Variants in DNAH8 observed in about 807,000 individuals in gnomAD.
The protein encoded by DNAH8 is axonemal beta dynein heavy chain 8.
In DNAH8, 382 loss-of-function variants were observed where a neutral mutation model predicts 562.1. The observed-to-expected ratio is 0.68, with a 90% CI of 0.63 to 0.74. DNAH8 has a LOEUF of 0.74. DNAH8 is among the 30% of genes least tolerant of loss of function. The pLI, the probability that DNAH8 is intolerant of heterozygous loss-of-function variation, is 0.00. For missense variants in DNAH8, 5,203 were observed against 5,620.4 expected, an observed-to-expected ratio of 0.93 and a Z score of 2.37; for synonymous variants, 1,881 against 1,919.4, an observed-to-expected ratio of 0.98 and a Z score of 0.52.
In DNAH8 at chr6:38,883,186, T is replaced by G. The variant is rs546284271; in HGVS notation, c.8001+134T>G. 9 of 1,321,136 alleles carry G rather than the reference T, an allele frequency of 6.8e-6. No individual in the cohort carries two copies. The East Asian group carries it at 2.2e-4, about 32-fold the overall frequency. The allele number at this position is 1,321,136 out of a possible 1,614,324, so 81.8% of individuals were successfully genotyped here. A position where few individuals can be genotyped will look rare whatever the true frequency, so the allele number is the denominator to read the frequency against. Reference sequence around the variant, plus strand: ...TCTGTAATACAACTGGGACTTATTTTGATGGTAGATGCAATTCTAAAAAGT... The same window carrying G: ...TCTGTAATACAACTGGGACTTATTTGGATGGTAGATGCAATTCTAAAAAGT... On this transcript the variant is annotated intron_variant, in intron 54 of 92. Transcript: ENST00000327475.
chr6:38,759,342 C>G (rs529667624), intron 10 of DNAH8, among the ~76,000 whole-genome samples: 3 of 151,328 alleles, frequency 2.0e-5, no homozygotes, highest in African/African-American at 7.3e-5. Context: ...AACAAACAAA[C>G]CACCACCAAC....
At chr6:38,756,228 G>A (rs1381552499) in intron 10 of DNAH8, 149 bp downstream of exon 10, 2 of 648,706 alleles carry the variant, frequency 3.1e-6, no homozygotes, top group Non-Finnish European at 5.5e-6. Context: ...GCGTTGACTG[G>A]ACTCAGTTGT....
chr6:38,767,609 T>A (rs899498266), intron 11 of DNAH8, among the ~76,000 whole-genome samples: 1 of 152,224 alleles, frequency 6.6e-6, no homozygotes, highest in Non-Finnish European at 1.5e-5. Flanking sequence ...TCATCTACGT[T>A]CTAGCATGTA....
rs1307297830 is a variant in DNAH8 at position 38,821,160 on chromosome 6, G to A, written c.3524-1678G>A. Among the ~76,000 whole-genome samples the A allele has an allele frequency of 2.0e-5, 3 of 152,066 alleles. No individual in the cohort carries two copies. The South Asian group carries it at 6.2e-4, about 32-fold the overall frequency. ...ATAAATGAATTCAGTAAGACTGCAG[G>A]ATACAGGATTAATATACAGATATCA... is the stretch of plus-strand genomic sequence containing the variant. On this transcript the variant is annotated intron_variant, in intron 26 of 92. Transcript: ENST00000327475.
chr6:38,850,451 A>T, intron 38 of DNAH8, 37 bp downstream of exon 38: 1 of 1,581,450 alleles, frequency 6.3e-7, no homozygotes, highest in Non-Finnish European at 8.6e-7. Flanking sequence ...ATCATTTTGT[A>T]TGTGACAGTG....
intron 88 of DNAH8, among the ~76,000 whole-genome samples, chr6:39,008,488 C>G (rs944951642): frequency 6.6e-6 from 1 of 152,016 alleles, no homozygotes; most frequent in African/African-American, 2.4e-5. Flanking sequence ...GGAGGTGTGC[C>G]CGCTGTTCAG....
chr6:38,741,901 T>C lies in DNAH8; in HGVS notation c.1293+14T>C, dbSNP rs1227020243. The C allele has an allele frequency of 1.2e-6, 2 of 1,601,166 alleles. No individual in the cohort carries two copies. The highest frequency in any genetic ancestry group is 3.5e-5 in the Admixed American group (2 of 57,204). On this transcript the variant is annotated intron_variant, in intron 8 of 92. Coordinates refer to ENST00000327475, the MANE Select transcript of DNAH8 (RefSeq NM_001206927.2). ...AAACTGCTAAAGGTAAAAGGCTTTT[T>C]ATTTAAAGTTTGGTATACTTCAGAA...
intron 80 of DNAH8, among the ~76,000 whole-genome samples, chr6:38,948,665 CTAAA>C (rs1761630054): frequency 6.6e-6 from 1 of 152,176 alleles, no homozygotes; most frequent in South Asian, 2.1e-4. Context: ...CAAACACCGT[CTAAA>C]TAACCCAGCC....
At chr6:38,932,033 A>C in intron 76 of DNAH8, 40 bp downstream of exon 76, 1 of 1,388,832 alleles carries the variant, frequency 7.2e-7, no homozygotes, top group Admixed American at 2.6e-5. Context: ...TGCTTATAAT[A>C]CATGCTTAAA....
intron 47 of DNAH8, among the ~76,000 whole-genome samples, 175 bp from the exon 48 acceptor site, chr6:38,867,887 A>T (rs1261409649): frequency 6.6e-6 from 1 of 152,202 alleles, no homozygotes; most frequent in Non-Finnish European, 1.5e-5. Flanking sequence ...CCATGGAATG[A>T]TCATATTTCA....
intron 38 of DNAH8, among the ~76,000 whole-genome samples, chr6:38,851,221 C>T (rs1397320180): frequency 2.0e-5 from 3 of 152,124 alleles, no homozygotes; most frequent in Non-Finnish European, 4.4e-5. Context: ...TAGTTGTCCT[C>T]CCTTTCACTC....
intron 58 of DNAH8, 21 bp downstream of exon 58, chr6:38,890,782 A>G (rs111568644): frequency 7.1e-6 from 11 of 1,556,078 alleles, no homozygotes; most frequent in African/African-American, 5.4e-5. Context: ...GTTTGTCAAT[A>G]ATTTTTAAAA....
At chr6:38,768,261 A>G (rs1161803649) in intron 11 of DNAH8, among the ~76,000 whole-genome samples, 1 of 151,766 alleles carries the variant, frequency 6.6e-6, no homozygotes, top group East Asian at 1.9e-4. Flanking sequence ...TTATTTGTCT[A>G]TTTATTTATT....
chr6:38,957,288 AT>A (rs979079451), intron 82 of DNAH8, among the ~76,000 whole-genome samples: 1 of 148,986 alleles, frequency 6.7e-6, no homozygotes, highest in African/African-American at 2.4e-5. Flanking sequence ...ATATATAAAA[AT>A]TAATATATAT....
intron 1 of DNAH8, among the ~76,000 whole-genome samples, chr6:38,717,630 T>C (rs548975407): frequency 9.3e-4 from 111 of 119,310 alleles, no homozygotes; most frequent in Admixed American, 2.9e-3. Flanking sequence ...ACACATGATT[T>C]TTTTTTTTTT....
intron 38 of DNAH8, 45 bp from the exon 39 acceptor site, chr6:38,851,527 G>A: frequency 8.5e-7 from 1 of 1,171,368 alleles, no homozygotes; most frequent in Non-Finnish European, 1.2e-6. Flanking sequence ...AATAATTTAG[G>A]GGAAAAAAAA....
intron 81 of DNAH8, among the ~76,000 whole-genome samples, chr6:38,951,089 T>C (rs991876410): frequency 6.6e-6 from 1 of 152,190 alleles, no homozygotes; most frequent in Non-Finnish European, 1.5e-5. Flanking sequence ...CACTGTGTTG[T>C]TATGGGCTCT....
chr6:38,956,300 T>C (rs2150650277), intron 82 of DNAH8, among the ~76,000 whole-genome samples: 2 of 152,240 alleles, frequency 1.3e-5, no homozygotes, highest in Middle Eastern at 6.8e-3. Flanking sequence ...ATCCTACCTG[T>C]GCAGGGATCT....
intron 36 of DNAH8, among the ~76,000 whole-genome samples, chr6:38,847,121 AC>A (rs1775364025): frequency 6.6e-6 from 1 of 152,006 alleles, no homozygotes; most frequent in African/African-American, 2.4e-5. Context: ...GTAAGACTTG[AC>A]TGTAGGTATT....
Sources: allele counts gnomAD v4.1 joint callset (sites outside exome capture counted in the v4.1 genomes callset), GRCh38; gene constraint gnomAD v4.1.1; transcripts MANE v1.5; gene names NCBI Gene and HGNC (gene_info 2026-07-23, HGNC 2026-07-21).